RP1: variants seen among roughly 807,000 people sequenced by gnomAD.
RP1 encodes oxygen-regulated protein 1.
A neutral mutation model predicts 14.8 loss-of-function variants in RP1; 16 were observed. The observed-to-expected ratio is 1.08, with a 90% CI of 0.73 to 1.65. The LOEUF (loss-of-function observed/expected upper bound fraction) is 1.65, where lower values mean the gene tolerates loss of function less well. Among genes scored for constraint, RP1 ranks in the 40% most tolerant of loss-of-function variants. The probability of loss-of-function intolerance (pLI) is 0.00; values close to 1 mark genes in which losing one functional copy is unlikely to be tolerated. For synonymous variants in RP1, 876 were observed against 883.6 expected (o/e 0.99, Z 0.15); for missense variants, 2,631 against 2,535.0 (o/e 1.04, Z -0.81).
At chr8:54,766,664 G>A (rs1809768534) in intron 22 of RP1, among the ~76,000 whole-genome samples, 2 of 152,064 alleles carry the variant, frequency 1.3e-5, no homozygotes, top group Admixed American at 1.3e-4. Flanking sequence ...TCCTTACCTC[G>A]TTATACATCT....
At chr8:54,621,757 A>C (rs1237423916) in intron 2 of RP1, among the ~76,000 whole-genome samples, 176 bp downstream of exon 2, 1 of 152,068 alleles carries the variant, frequency 6.6e-6, no homozygotes, top group Non-Finnish European at 1.5e-5. Context: ...TCTGACTGGA[A>C]TCTCATCTTT....
At chr8:54,762,349 G>C (rs1809659972) in intron 22 of RP1, among the ~76,000 whole-genome samples, 1 of 152,162 alleles carries the variant, frequency 6.6e-6, no homozygotes. Flanking sequence ...GCCGCGTGAG[G>C]AGACTGCTTG....
At chr8:54,717,798 ACT>A (rs916847699) in intron 15 of RP1, among the ~76,000 whole-genome samples, 1 of 151,994 alleles carries the variant, frequency 6.6e-6, no homozygotes, top group Non-Finnish European at 1.5e-5. Context: ...AAGAAATAAA[ACT>A]CTCTTGGCTC....
In RP1 at chr8:54,630,763, C is replaced by G. The variant is rs1427685895; in HGVS notation, c.*410C>G. 3 of 1,006,062 alleles carry G rather than the reference C, an allele frequency of 3.0e-6. No homozygotes were observed. Among genetic ancestry groups the G allele is most frequent in the Non-Finnish European group, 3.6e-6 (3 of 842,408 alleles). 62.3% of individuals were successfully genotyped at this position (1,006,062 alleles called of 1,614,324 possible). A position where few individuals can be genotyped will look rare whatever the true frequency, so the allele number is the denominator to read the frequency against. ...ATAGACATAACCTCAAAGTACTTCA[C>G]TTATTCTTTTTAACTACTGATTTGA... On this transcript the variant is annotated 3_prime_UTR_variant, in exon 4 of 4. Transcript: ENST00000220676.
At chr8:54,836,481 C>T (rs1811659060) in intron 24 of RP1, among the ~76,000 whole-genome samples, 1 of 152,180 alleles carries the variant, frequency 6.6e-6, no homozygotes, top group South Asian at 2.1e-4. Context: ...TAAAAGCAAA[C>T]ATTTTTCTCC....
rs1404585870 is a variant in RP1, at chr8:54,622,348, G to A, written c.787+60G>A. On this transcript the variant is annotated intron_variant, in intron 3 of 3. Coordinates refer to ENST00000220676, the MANE Select transcript of RP1 (RefSeq NM_006269.2). ...AGCCCTGAGATTTTTTTTGCCTCAA[G>A]GACGGCAAAATCCATGCTTCAATGA... The A allele has an allele frequency of 5.4e-6, 8 of 1,494,816 alleles. No homozygotes were observed. In the Admixed American group the frequency reaches 1.2e-4, roughly 22 times the overall value. The allele number at this position is 1,494,816 out of a possible 1,614,324, so 92.6% of individuals were successfully genotyped here.
At chr8:54,730,932 A>T (rs1169118929) in intron 17 of RP1, among the ~76,000 whole-genome samples, 6 of 152,268 alleles carry the variant, frequency 3.9e-5, no homozygotes, top group Non-Finnish European at 5.9e-5. Context: ...TTTTGAAATT[A>T]GGGTTTAAAT....
At chr8:54,609,806 C>T (rs1395162474) in intron 1 of RP1, among the ~76,000 whole-genome samples, 1 of 152,176 alleles carries the variant, frequency 6.6e-6, no homozygotes, top group African/African-American at 2.4e-5. Context: ...TTAATCCCTG[C>T]TGAGACATAC....
chr8:54,756,149 A>G (rs1294597713), intron 21 of RP1, among the ~76,000 whole-genome samples: 4 of 152,262 alleles, frequency 2.6e-5, no homozygotes, highest in African/African-American at 9.6e-5. Context: ...ATTTCATATA[A>G]TAACACAATG....
At chr8:54,618,918 C>T (rs918467505) in intron 1 of RP1, among the ~76,000 whole-genome samples, 6 of 152,190 alleles carry the variant, frequency 3.9e-5, no homozygotes, top group African/African-American at 1.4e-4. Flanking sequence ...GCCTTGGCCT[C>T]CCAAAGTGCT....
At chr8:54,787,421 G>A (rs1810348472) in intron 24 of RP1, among the ~76,000 whole-genome samples, 1 of 151,882 alleles carries the variant, frequency 6.6e-6, no homozygotes, top group African/African-American at 2.4e-5. Context: ...AAATGACTTT[G>A]CTGAAATTTG....
intron 7 of RP1, among the ~76,000 whole-genome samples, chr8:54,670,702 TATATAA>T (rs1460410972): frequency 8.1e-6 from 1 of 123,152 alleles, no homozygotes; most frequent in Non-Finnish European, 1.7e-5. Context: ...TATATATATA[TATATAA>T]AACATTAAGT....
At chr8:54,653,190 TA>T (rs1298458818) in intron 5 of RP1, among the ~76,000 whole-genome samples, 1 of 152,184 alleles carries the variant, frequency 6.6e-6, no homozygotes, top group Non-Finnish European at 1.5e-5. Context: ...AGAAATGTTG[TA>T]AAGATAGACC....
At chr8:54,781,978 C>G (rs377161588) in intron 23 of RP1, among the ~76,000 whole-genome samples, 2 of 152,120 alleles carry the variant, frequency 1.3e-5, no homozygotes, top group Non-Finnish European at 2.9e-5. Flanking sequence ...CGTCCCTCCC[C>G]CCATGATAGC....
intron 21 of RP1, among the ~76,000 whole-genome samples, chr8:54,757,097 G>A (rs535821900): frequency 3.9e-4 from 60 of 152,118 alleles, no homozygotes; most frequent in South Asian, 1.5e-3. Flanking sequence ...TATTTTCCTC[G>A]GTGCTTGGGA....
In RP1 at chr8:54,716,577, T is replaced by C. The variant is rs201481346; in HGVS notation, c.2212-3552T>C. On this transcript the variant is annotated intron_variant, in intron 15 of 22. Coordinates refer to the RP1 transcript ENST00000636932. ...TATAATCAGAGCATTTTGGGCAACATAGGGCTTGAGAGTCTTGCATAACCT... is the reference window on the plus strand; with the variant it reads ...TATAATCAGAGCATTTTGGGCAACACAGGGCTTGAGAGTCTTGCATAACCT... Among the ~76,000 whole-genome samples the C allele has an allele frequency of 2.0e-5, 3 of 152,256 alleles. No homozygotes were observed. In the East Asian group the frequency reaches 5.8e-4, roughly 29 times the overall value.
At chr8:54,812,124 C>A (rs117185314) in intron 24 of RP1, among the ~76,000 whole-genome samples, 1 of 152,000 alleles carries the variant, frequency 6.6e-6, no homozygotes, top group Non-Finnish European at 1.5e-5. Context: ...GAAATATGTA[C>A]GTTTGTCAGA....
At chr8:54,572,315 C>T (rs1215441461) in intron 1 of RP1, among the ~76,000 whole-genome samples, 1 of 152,266 alleles carries the variant, frequency 6.6e-6, no homozygotes, top group Non-Finnish European at 1.5e-5. Flanking sequence ...ACCCCAATCA[C>T]AGGAGTTCAG....
At chr8:54,580,718 A>C (rs1305855704) in intron 1 of RP1, among the ~76,000 whole-genome samples, 2 of 151,350 alleles carry the variant, frequency 1.3e-5, no homozygotes, top group African/African-American at 4.9e-5. Context: ...TCCTGGGTTC[A>C]AGTGATTCTC....
Sources: gnomAD v4.1 joint callset for allele counts (sites outside exome capture counted in the v4.1 genomes callset) on GRCh38, gnomAD v4.1.1 for gene constraint, MANE v1.5 for transcripts, NCBI Gene and HGNC (gene_info 2026-07-23, HGNC 2026-07-21) for gene names.